C11orf65: variants seen among roughly 807,000 people sequenced by gnomAD.
C11orf65 encodes the protein protein MFI.
C11orf65 carries 38 observed loss-of-function variants against 35.3 expected under a neutral mutation model. The observed-to-expected ratio is 1.08, with a 90% CI of 0.83 to 1.41. The LOEUF is 1.41. C11orf65 is among the 40% of genes most tolerant of loss of function. C11orf65 has a pLI of 0.00. For synonymous variants in C11orf65, 105 were observed against 114.4 expected (o/e 0.92, Z 0.53); for missense variants, 370 against 367.1 (o/e 1.01, Z -0.06).
chr11:108,408,937 CTT>C (rs2092607184), intron 3 of C11orf65, among the ~76,000 whole-genome samples: 1 of 151,870 alleles, frequency 6.6e-6, no homozygotes, highest in Non-Finnish European at 1.5e-5. Context: ...ATAATCTTCT[CTT>C]GACTAAAACT....
chr11:108,422,866 A>G (rs2092839657), intron 3 of C11orf65, among the ~76,000 whole-genome samples: 1 of 150,974 alleles, frequency 6.6e-6, no homozygotes, highest in Admixed American at 6.6e-5. Flanking sequence ...TGGGCGACAG[A>G]GCAAGACTCT....
intron 2 of C11orf65, among the ~76,000 whole-genome samples, chr11:108,444,608 AG>A (rs1473063772): frequency 6.6e-6 from 1 of 152,198 alleles, no homozygotes; most frequent in Non-Finnish European, 1.5e-5. Context: ...CACATCAAAA[AG>A]CTTATCCACA....
At position 108,406,990 on chromosome 11, in the gene C11orf65, A is replaced by G. The variant is rs772253936; in HGVS notation, c.229-27T>C. On this transcript the variant is annotated intron_variant, in intron 4 of 8. Coordinates refer to ENST00000393084, the MANE Select transcript of C11orf65 (RefSeq NM_152587.5). ...TGTAGAAGGAAAAGTTCAAAGAGCC[A>G]TTGTAATGTAACTACAAAAATGTTT... The G allele has an allele frequency of 7.6e-6, 12 of 1,576,948 alleles. No homozygotes were observed. In the Admixed American group the frequency reaches 1.5e-4, roughly 20 times the overall value.
chr11:108,447,127 A>G (rs2093274659), intron 2 of C11orf65, among the ~76,000 whole-genome samples: 1 of 152,180 alleles, frequency 6.6e-6, no homozygotes, highest in South Asian at 2.1e-4. Context: ...ACCAAGATTC[A>G]TAAAGCAAGT....
chr11:108,354,215 C>T (rs1197586394), intron 2 of C11orf65, among the ~76,000 whole-genome samples: 2 of 152,078 alleles, frequency 1.3e-5, no homozygotes, highest in Admixed American at 6.6e-5. Flanking sequence ...GTTCCTCTTC[C>T]TTCCACCCAC....
chr11:108,316,158 C>G (rs1565500225), intron 6 of C11orf65: 3 of 1,517,820 alleles, frequency 2.0e-6, no homozygotes, highest in East Asian at 4.6e-5. Flanking sequence ...TAGTGTAGTG[C>G]TGAGGTTATT....
chr11:108,402,650 C>G (rs1416727828), intron 6 of C11orf65, among the ~76,000 whole-genome samples: 2 of 121,660 alleles, frequency 1.6e-5, no homozygotes, highest in Non-Finnish European at 4.0e-5. Flanking sequence ...TTTGACATGT[C>G]TATATACCTG....
downstream of C11orf65, chr11:108,330,090 A>C: frequency 1.1e-6 from 1 of 947,304 alleles, no homozygotes. Context: ...AATCCTTAGA[A>C]GTTTGCTTTT....
chr11:108,448,440 G>T (rs1399746631), intron 2 of C11orf65, among the ~76,000 whole-genome samples: 7 of 152,124 alleles, frequency 4.6e-5, no homozygotes, highest in Non-Finnish European at 5.9e-5. Context: ...TCCACCATGA[G>T]CAAGTGGGCT....
downstream of C11orf65, chr11:108,328,926 A>C (rs2085962982): frequency 7.8e-7 from 1 of 1,288,284 alleles, no homozygotes; most frequent in Admixed American, 2.0e-5. Flanking sequence ...ATATGTATAT[A>C]AGTTAAATTT....
intron 6 of C11orf65, among the ~76,000 whole-genome samples, chr11:108,315,272 C>T (rs1268575168): frequency 2.0e-5 from 3 of 152,106 alleles, no homozygotes; most frequent in Non-Finnish European, 2.9e-5. Context: ...ACAATATGTA[C>T]GATAGTTAAT....
At chr11:108,403,295 T>A (rs1009966522) in intron 6 of C11orf65, among the ~76,000 whole-genome samples, 1 of 152,156 alleles carries the variant, frequency 6.6e-6, no homozygotes, top group African/African-American at 2.4e-5. Context: ...AGCACTTCTC[T>A]AATGATTAAT....
intron 1 of C11orf65, among the ~76,000 whole-genome samples, chr11:108,465,947 T>C (rs2093530810): frequency 1.4e-5 from 2 of 147,552 alleles, no homozygotes; most frequent in Admixed American, 1.4e-4. Context: ...ATCATGCCAC[T>C]ACTCCAGCCT....
rs1555127166 is a variant in C11orf65, at chr11:108,335,041, G to C, written c.299+179C>G. 6.2e-7 allele frequency: 1 copy of C among 1,614,036 alleles called. No homozygotes were observed. The highest frequency in any genetic ancestry group is 8.5e-7 in the Non-Finnish European group (1 of 1,179,956). On this transcript the variant is annotated intron_variant, in intron 3 of 3. Transcript: ENST00000524755. ...TAAAGCAGAATTTCGCTTAGCAGGA[G>C]GTGTAAATTTACCAAAAATAATAGA... is the stretch of plus-strand genomic sequence containing the variant.
intron 6 of C11orf65, among the ~76,000 whole-genome samples, chr11:108,400,354 C>T (rs966748150): frequency 6.6e-6 from 1 of 152,106 alleles, no homozygotes; most frequent in African/African-American, 2.4e-5. Flanking sequence ...GTGCATTTAT[C>T]CTACTAAGCC....
intron 2 of C11orf65, chr11:108,364,951 CATG>C (rs1342586090): frequency 2.1e-6 from 2 of 956,260 alleles, no homozygotes; most frequent in African/African-American, 3.2e-5. Context: ...ATGAAGTGTG[CATG>C]ATGTTTGTTC....
intron 2 of C11orf65, among the ~76,000 whole-genome samples, chr11:108,356,957 A>C (rs2090019547): frequency 6.6e-6 from 1 of 152,240 alleles, no homozygotes. Flanking sequence ...ATGGCCGAAT[A>C]GGAACAGCTC....
intron 3 of C11orf65, among the ~76,000 whole-genome samples, chr11:108,428,382 T>C (rs1469062642): frequency 3.3e-5 from 5 of 152,174 alleles, no homozygotes; most frequent in African/African-American, 1.2e-4. Context: ...TGGAGCAGTG[T>C]TCACAATAGC....
In C11orf65 at chr11:108,450,798, C is replaced by G. The variant is rs1437136446; in HGVS notation, c.81+10681G>C. On this transcript the variant is annotated intron_variant, in intron 2 of 8. Coordinates refer to ENST00000393084, the MANE Select transcript of C11orf65 (RefSeq NM_152587.5). The stretch of plus-strand genomic sequence containing the variant: ...ATAATAATAAAATTTTAAAAAAAAG[C>G]CTTATCCACCATGATCAAGTCGGCT... 2.0e-5 allele frequency among the ~76,000 whole-genome samples: 3 copies of G among 151,366 alleles called. 1 individual carries two copies. In the South Asian group the frequency reaches 6.3e-4, roughly 32 times the overall value.
Sources: gnomAD v4.1 joint callset for allele counts (sites outside exome capture counted in the v4.1 genomes callset) on GRCh38, gnomAD v4.1.1 for gene constraint, MANE v1.5 for transcripts, NCBI Gene and HGNC (gene_info 2026-07-23, HGNC 2026-07-21) for gene names.